IFT81: variants seen among roughly 807,000 people sequenced by gnomAD.
IFT81 encodes the protein intraflagellar transport 81.
IFT81 carries 72 observed loss-of-function variants against 102.6 expected under a neutral mutation model. The ratio of observed to expected loss-of-function variants is 0.70; its 90% CI spans 0.58 to 0.85. The LOEUF (loss-of-function observed/expected upper bound fraction) is 0.85. Among genes scored for constraint, IFT81 ranks in the 40% least tolerant of loss-of-function variants. The pLI is 0.00. For synonymous variants in IFT81, 237 were observed against 242.7 expected, an observed-to-expected ratio of 0.98 and a Z score of 0.22; for missense variants, 723 against 787.3, an observed-to-expected ratio of 0.92 and a Z score of 0.98.
chr12:110,135,833 C>T (rs888097761), intron 7 of IFT81, among the ~76,000 whole-genome samples: 2 of 147,858 alleles, frequency 1.4e-5, no homozygotes, highest in Non-Finnish European at 3.0e-5. Flanking sequence ...CGCCACCACA[C>T]TCCAGCTTAG....
At chr12:110,173,080 C>T (rs1896838860) in intron 11 of IFT81, among the ~76,000 whole-genome samples, 2 of 145,778 alleles carry the variant, frequency 1.4e-5, no homozygotes, top group Admixed American at 1.3e-4. Context: ...TGAGGAGCCC[C>T]TCTGCCCGAC....
intron 4 of IFT81, among the ~76,000 whole-genome samples, chr12:110,131,747 G>T (rs1367676952): frequency 6.6e-6 from 1 of 152,022 alleles, no homozygotes; most frequent in Non-Finnish European, 1.5e-5. Flanking sequence ...TTTTCCTCTT[G>T]GCTCTCACTA....
chr12:110,127,582 T>C, intron 2 of IFT81, 58 bp downstream of exon 2: 1 of 1,472,380 alleles, frequency 6.8e-7, no homozygotes, highest in East Asian at 2.4e-5. Context: ...TCCCTCTAAA[T>C]AGCTGTGAGT....
At chr12:110,128,198 C>G in intron 3 of IFT81, 49 bp downstream of exon 3, 2 of 1,160,420 alleles carry the variant, frequency 1.7e-6, no homozygotes, top group Non-Finnish European at 2.6e-6. Flanking sequence ...CTTTAATATC[C>G]AAACCTTCAT....
chr12:110,209,096 A>G, intron 17 of IFT81, 75 bp from the exon 18 acceptor site: 1 of 786,204 alleles, frequency 1.3e-6, no homozygotes, highest in Non-Finnish European at 2.1e-6. Context: ...AGATAGATAT[A>G]TTAATTTATA....
intron 12 of IFT81, among the ~76,000 whole-genome samples, chr12:110,188,104 G>A (rs1897620147): frequency 1.3e-5 from 2 of 152,056 alleles, no homozygotes; most frequent in Admixed American, 1.3e-4. Context: ...AGGCTGAGGC[G>A]GGTGGATCAC....
intron 17 of IFT81, among the ~76,000 whole-genome samples, chr12:110,206,327 A>T (rs1005105839): frequency 3.3e-5 from 5 of 152,218 alleles, no homozygotes; most frequent in African/African-American, 1.2e-4. Context: ...CCTAAAAAAA[A>T]ATACATTTAT....
intron 18 of IFT81, among the ~76,000 whole-genome samples, chr12:110,216,173 GTTGTTTTGTTTTGTT>G (rs745322792): frequency 3.3e-5 from 5 of 151,728 alleles, no homozygotes; most frequent in Non-Finnish European, 4.4e-5. Flanking sequence ...CCTTGGTTTG[GTTGTTTTGTTTTGTT>G]TTGTTTTGTT....
chr12:110,211,851 G>T (rs542962138), intron 18 of IFT81, among the ~76,000 whole-genome samples: 6 of 152,074 alleles, frequency 3.9e-5, no homozygotes, highest in Non-Finnish European at 7.4e-5. Context: ...GGTAGGGGTT[G>T]TTTAGCTGCA....
At chr12:110,180,090 G>A (rs1897257628) in intron 11 of IFT81, among the ~76,000 whole-genome samples, 1 of 152,158 alleles carries the variant, frequency 6.6e-6, no homozygotes, top group South Asian at 2.1e-4. Flanking sequence ...GGAATAGTGG[G>A]GAAAACAAAT....
intron 10 of IFT81, among the ~76,000 whole-genome samples, chr12:110,150,720 C>T (rs1253043228): frequency 1.3e-5 from 2 of 152,144 alleles, no homozygotes; most frequent in Non-Finnish European, 1.5e-5. Context: ...ATGATTACTA[C>T]TGAAAATTGG....
At chr12:110,161,516 T>C (rs555941726) in intron 10 of IFT81, among the ~76,000 whole-genome samples, 1 of 151,932 alleles carries the variant, frequency 6.6e-6, no homozygotes, top group Non-Finnish European at 1.5e-5. Context: ...TGATCATAGC[T>C]CACTGCAGCC....
chr12:110,173,684 G>C (rs1257643780), intron 11 of IFT81, among the ~76,000 whole-genome samples: 1 of 152,170 alleles, frequency 6.6e-6, no homozygotes, highest in Admixed American at 6.5e-5. Flanking sequence ...TGTGCTCTCT[G>C]AAACATGTGC....
chr12:110,178,823 G>A (rs1566147411), intron 11 of IFT81, among the ~76,000 whole-genome samples: 2 of 150,222 alleles, frequency 1.3e-5, no homozygotes, highest in Non-Finnish European at 1.5e-5. Flanking sequence ...CACCATGTTG[G>A]CCAGGCTGGT....
At chr12:110,131,044 A>G (rs758681234) in intron 4 of IFT81, among the ~76,000 whole-genome samples, 11 of 152,088 alleles carry the variant, frequency 7.2e-5, no homozygotes, top group Non-Finnish European at 1.5e-4. Flanking sequence ...GCACTTTGGG[A>G]GGCCAAGGTG....
At chr12:110,212,438 G>A (rs1445295321) in intron 18 of IFT81, among the ~76,000 whole-genome samples, 2 of 150,868 alleles carry the variant, frequency 1.3e-5, no homozygotes, top group East Asian at 1.9e-4. Flanking sequence ...CTAGCTACTC[G>A]GGAGGCTGAG....
intron 8 of IFT81, 151 bp downstream of exon 8, chr12:110,137,011 TG>T: frequency 1.9e-6 from 1 of 537,400 alleles, no homozygotes; most frequent in Non-Finnish European, 3.3e-6. Flanking sequence ...AGGAGAGCCC[TG>T]ATAAAGACAT....
chr12:110,196,679 G>C (rs1278990212), intron 14 of IFT81, among the ~76,000 whole-genome samples: 1 of 151,922 alleles, frequency 6.6e-6, no homozygotes, highest in Non-Finnish European at 1.5e-5. Flanking sequence ...GTGAAACCTT[G>C]TCTTTAAAAA....
At chr12:110,205,759 C>T (rs561242472) in intron 17 of IFT81, 79 bp downstream of exon 17, 1 of 869,800 alleles carries the variant, frequency 1.1e-6, no homozygotes, top group East Asian at 2.7e-5. Flanking sequence ...TAGAATTATA[C>T]AAATTTAGCA....
Sources: allele counts gnomAD v4.1 joint callset (sites outside exome capture counted in the v4.1 genomes callset), GRCh38; gene constraint gnomAD v4.1.1; transcripts MANE v1.5; gene names NCBI Gene and HGNC (gene_info 2026-07-23, HGNC 2026-07-21).